Variants in ADAMTS14 observed in about 807,000 individuals in gnomAD.
ADAMTS14 encodes A disintegrin and metalloproteinase with thrombospondin motifs 14.
In ADAMTS14, 100 loss-of-function variants were observed where a neutral mutation model predicts 128.6. The ratio of observed to expected loss-of-function variants is 0.78; its 90% CI spans 0.66 to 0.92. ADAMTS14 has a LOEUF of 0.92. Among genes scored for constraint, ADAMTS14 ranks in the 40% least tolerant of loss-of-function variants. ADAMTS14 has a pLI of 0.00. For synonymous variants in ADAMTS14, 665 were observed against 653.8 expected, an observed-to-expected ratio of 1.02 and a Z score of -0.26; for missense variants, 1,562 against 1,658.6, an observed-to-expected ratio of 0.94 and a Z score of 1.01.
intron 2 of ADAMTS14, among the ~76,000 whole-genome samples, chr10:70,692,131 G>A (rs922389856): frequency 1.1e-4 from 16 of 152,022 alleles, no homozygotes; most frequent in African/African-American, 3.4e-4. Flanking sequence ...CTGGGAGGTC[G>A]CCGTAGTTTT....
chr10:70,741,214 G>T (rs1232174275), intron 12 of ADAMTS14, 52 bp downstream of exon 12: 2 of 1,584,136 alleles, frequency 1.3e-6, no homozygotes, highest in Non-Finnish European at 1.7e-6. Flanking sequence ...ATCTGCGGGG[G>T]CTGTGTGTGC....
Position 70,723,967 on chromosome 10 carries a change from A to C in ADAMTS14, c.871-5327A>C, listed in dbSNP as rs141194607. Among the ~76,000 whole-genome samples, 549 of 152,334 alleles carry C rather than the reference A, an allele frequency of 3.6e-3. 4 individuals are homozygous for C. The highest frequency in any genetic ancestry group is 8.5e-3 in the South Asian group (41 of 4,828). ...CTAGCTGCGTGGCCTTGGGCAAGTT[A>C]CTTACCCTCTCTGAACCTTGGATGT... is the stretch of plus-strand genomic sequence containing the variant. On this transcript the variant is annotated intron_variant, in intron 4 of 21. Transcript: ENST00000373207.
chr10:70,760,073 G>T (rs891406480), intron 21 of ADAMTS14, among the ~76,000 whole-genome samples: 5 of 150,060 alleles, frequency 3.3e-5, no homozygotes, highest in African/African-American at 1.2e-4. Context: ...GGTGCTGGAG[G>T]ATGTGCATTG....
intron 2 of ADAMTS14, among the ~76,000 whole-genome samples, chr10:70,698,623 G>A (rs914876250): frequency 1.3e-5 from 2 of 152,310 alleles, no homozygotes; most frequent in African/African-American, 2.4e-5. Flanking sequence ...GCCTGGGTAG[G>A]ATGCACGCAA....
At chr10:70,751,349 C>A in intron 16 of ADAMTS14, 129 bp from the exon 17 acceptor site, 1 of 926,766 alleles carries the variant, frequency 1.1e-6, no homozygotes, top group Non-Finnish European at 1.7e-6. Flanking sequence ...CCATGCTGGG[C>A]ACAACCTCAT....
At chr10:70,689,136 C>G (rs1441770253) in intron 2 of ADAMTS14, among the ~76,000 whole-genome samples, 1 of 142,086 alleles carries the variant, frequency 7.0e-6, no homozygotes, top group Non-Finnish European at 1.6e-5. Context: ...GGCTTTGTCA[C>G]TTCAAAATTC....
At chr10:70,704,761 A>G (rs1840606654) in intron 3 of ADAMTS14, among the ~76,000 whole-genome samples, 1 of 143,678 alleles carries the variant, frequency 7.0e-6, no homozygotes, top group Non-Finnish European at 1.5e-5. Context: ...TGATGCAAAC[A>G]CATGCTTACA....
At chr10:70,716,692 C>A (rs1395935210) in intron 4 of ADAMTS14, among the ~76,000 whole-genome samples, 1 of 152,220 alleles carries the variant, frequency 6.6e-6, no homozygotes, top group Non-Finnish European at 1.5e-5. Context: ...CATTTCTGAT[C>A]CTGATTTCCG....
At chr10:70,713,622 G>A (rs1406469814) in intron 4 of ADAMTS14, among the ~76,000 whole-genome samples, 1 of 152,236 alleles carries the variant, frequency 6.6e-6, no homozygotes. Context: ...AAATGCCAAA[G>A]GTCTCTTTCT....
In ADAMTS14 at chr10:70,760,714, G is replaced by A. The variant is rs573066351; in HGVS notation, c.3533G>A (p.Ser1178Asn). 6.2e-7 allele frequency: 1 copy of A among 1,614,092 alleles called. No individual in the cohort carries two copies. The highest frequency in any genetic ancestry group is 1.1e-5 in the South Asian group (1 of 91,078). ...PETPIPGASW[S>N]ISPTTPGGLP... ...ACACCAATCCCTGGAGCATCCTGGA[G>A]CATCTCCCCTACCACCCCCGGGGGG... Residue 1178 changes from serine (S) to asparagine (N), a missense_variant, in exon 22 of 22, where the codon AGC becomes AAC. By Grantham distance (46) the Ser-to-Asn change is conservative. Coordinates refer to ENST00000373207, the MANE Select transcript of ADAMTS14 (RefSeq NM_080722.4).
intron 4 of ADAMTS14, among the ~76,000 whole-genome samples, chr10:70,722,941 T>C (rs1229970852): frequency 1.3e-5 from 2 of 152,194 alleles, no homozygotes; most frequent in Admixed American, 6.5e-5. Context: ...TGGCCACACA[T>C]AGTGACTTTC....
intron 21 of ADAMTS14, among the ~76,000 whole-genome samples, chr10:70,758,583 G>A (rs1368689639): frequency 2.0e-5 from 3 of 152,234 alleles, no homozygotes; most frequent in Non-Finnish European, 2.9e-5. Flanking sequence ...GCCATATTTA[G>A]TTACAAGGTG....
At chr10:70,724,285 GA>G (rs1841359231) in intron 4 of ADAMTS14, among the ~76,000 whole-genome samples, 1 of 152,222 alleles carries the variant, frequency 6.6e-6, no homozygotes, top group Non-Finnish European at 1.5e-5. Flanking sequence ...ACATGGCGCA[GA>G]GGTGACTTTG....
chr10:70,752,351 C>G, intron 18 of ADAMTS14, 124 bp downstream of exon 18: 1 of 1,371,254 alleles, frequency 7.3e-7, no homozygotes, highest in Non-Finnish European at 9.7e-7. Context: ...ACAGGCAACA[C>G]AACTTTCAGT....
At chr10:70,685,342 A>C (rs1839923436) in intron 2 of ADAMTS14, among the ~76,000 whole-genome samples, 2 of 152,188 alleles carry the variant, frequency 1.3e-5, no homozygotes, top group Non-Finnish European at 2.9e-5. Flanking sequence ...AACAGTGATA[A>C]TATTTACATG....
rs370042804 is a variant in ADAMTS14 at position 70,710,218 on chromosome 10, C to G, written c.870+1440C>G. Reference sequence around the variant, plus strand: ...GGGAAAATGCCACGTCAACAGGAGGCAACAGGGCAGGTGCCCTTCACCTCT... The same window carrying G: ...GGGAAAATGCCACGTCAACAGGAGGGAACAGGGCAGGTGCCCTTCACCTCT... On this transcript the variant is annotated intron_variant, in intron 4 of 21. Coordinates refer to ENST00000373207, the MANE Select transcript of ADAMTS14 (RefSeq NM_080722.4). Among the ~76,000 whole-genome samples, 11 of 152,346 alleles carry G rather than the reference C, an allele frequency of 7.2e-5. No individual in the cohort carries two copies. The East Asian group carries it at 2.1e-3, about 29-fold the overall frequency.
At chr10:70,707,059 C>T (rs1299636586) in intron 3 of ADAMTS14, among the ~76,000 whole-genome samples, 2 of 152,240 alleles carry the variant, frequency 1.3e-5, no homozygotes, top group Admixed American at 6.5e-5. Flanking sequence ...GCTTCAGTGA[C>T]CCCTCCTCTG....
intron 12 of ADAMTS14, among the ~76,000 whole-genome samples, chr10:70,741,664 T>C (rs1330033487): frequency 6.6e-6 from 1 of 152,216 alleles, no homozygotes; most frequent in Non-Finnish European, 1.5e-5. Context: ...GAGATGATTT[T>C]GGAAGGCACG....
chr10:70,745,000 C>T (rs1203157366), intron 14 of ADAMTS14, among the ~76,000 whole-genome samples: 3 of 152,136 alleles, frequency 2.0e-5, no homozygotes, highest in African/African-American at 7.2e-5. Context: ...GCAGCTCTCA[C>T]ACACACGGAG....
Sources: allele counts gnomAD v4.1 joint callset (sites outside exome capture counted in the v4.1 genomes callset), GRCh38; gene constraint gnomAD v4.1.1; transcripts MANE v1.5; gene names NCBI Gene and HGNC (gene_info 2026-07-23, HGNC 2026-07-21).